STOML3: variants seen among roughly 807,000 people sequenced by gnomAD.
STOML3 encodes stomatin like 3.
A neutral mutation model predicts 29.5 loss-of-function variants in STOML3; 31 were observed. The ratio of observed to expected loss-of-function variants is 1.05; its 90% CI spans 0.79 to 1.42. STOML3 has a LOEUF of 1.42. STOML3 is among the 40% of genes most tolerant of loss of function. The pLI is 0.00. For synonymous variants in STOML3, 122 were observed against 139.8 expected, an observed-to-expected ratio of 0.87 and a Z score of 0.90; for missense variants, 380 against 363.0, an observed-to-expected ratio of 1.05 and a Z score of -0.38.
chr13:38,977,906 C>T (rs1263871475), intron 1 of STOML3, among the ~76,000 whole-genome samples: 2 of 151,420 alleles, frequency 1.3e-5, no homozygotes, highest in Non-Finnish European at 2.9e-5. Flanking sequence ...ACTACAGGCT[C>T]CCGCCACCAC....
In STOML3 at chr13:38,968,516, T is replaced by C. The variant is rs1385243925; in HGVS notation, c.535A>G (p.Thr179Ala). Reference protein sequence around the residue: ...HSIQTLLDDATELWGIRVARV... With the variant: ...HSIQTLLDDAAELWGIRVARV... Reference sequence around the variant, plus strand: ...GCCACCCGGATCCCCCACAGTTCGGTGGCATCATCAAGTAAAGTCTGTTTC... The same window carrying C: ...GCCACCCGGATCCCCCACAGTTCGGCGGCATCATCAAGTAAAGTCTGTTTC... The change falls in exon 6 of 7, where the codon ACC (threonine) becomes GCC (alanine). Residue 179 changes from threonine to alanine, a missense_variant. By Grantham distance (58) the Thr-to-Ala change is moderately conservative (BLOSUM62 0). Coordinates refer to ENST00000379631, the MANE Select transcript of STOML3 (RefSeq NM_145286.3). The C allele has an allele frequency of 1.9e-6, 3 of 1,614,166 alleles. No homozygotes were observed. In the Admixed American group the frequency reaches 5.0e-5, roughly 27 times the overall value.
intron 1 of STOML3, among the ~76,000 whole-genome samples, chr13:38,981,452 A>G (rs1023300402): frequency 2.6e-5 from 4 of 152,172 alleles, no homozygotes; most frequent in Non-Finnish European, 5.9e-5. Flanking sequence ...CCCAACTTAA[A>G]TTATATTAGA....
intron 1 of STOML3, among the ~76,000 whole-genome samples, chr13:38,988,196 A>T (rs796574243): frequency 3.4e-4 from 21 of 61,670 alleles, no homozygotes; most frequent in South Asian, 1.2e-3. Context: ...AAAATATATT[A>T]TATTTCATAT....
intron 4 of STOML3, among the ~76,000 whole-genome samples, chr13:38,971,562 C>T (rs765085792): frequency 8.5e-5 from 13 of 152,162 alleles, no homozygotes; most frequent in Non-Finnish European, 1.9e-4. Flanking sequence ...TAATTGGTAA[C>T]TCTATTCCTC....
intron 1 of STOML3, among the ~76,000 whole-genome samples, chr13:38,981,923 A>G (rs1006716414): frequency 3.3e-5 from 5 of 152,198 alleles, no homozygotes; most frequent in African/African-American, 1.2e-4. Flanking sequence ...AATACCTGAG[A>G]GCAATGACTA....
At chr13:38,968,244 A>G (rs1593496087) in intron 6 of STOML3, among the ~76,000 whole-genome samples, 156 bp downstream of exon 6, 1 of 152,178 alleles carries the variant, frequency 6.6e-6, no homozygotes, top group East Asian at 1.9e-4. Flanking sequence ...GCTGCTGGTT[A>G]CCTTTTAATT....
intron 4 of STOML3, among the ~76,000 whole-genome samples, chr13:38,971,076 A>G (rs2138007771): frequency 6.6e-6 from 1 of 151,642 alleles, no homozygotes; most frequent in Non-Finnish European, 1.5e-5. Flanking sequence ...TCCGTCACCC[A>G]GGCTGGACTG....
rs771124806 is a variant in STOML3 at position 38,976,594 on chromosome 13, G to A, written c.175C>T (p.Arg59Cys). The A allele has an allele frequency of 1.9e-5, 31 of 1,614,060 alleles. No individual in the cohort carries two copies. The highest frequency in any genetic ancestry group is 3.3e-5 in the Admixed American group (2 of 60,006). ...CGTCCCAGACGGAATACAACAGCAC[G>A]TTCATACTCCTTAATGATCTAGGAG... ...MCLKIIKEYE[R>C]AVVFRLGRIQ... Residue 59 changes from arginine to cysteine, a missense_variant, in exon 3 of 7, where the codon CGT (arginine) becomes TGT (cysteine). By Grantham distance (180) the Arg-to-Cys change is radical (BLOSUM62 -3). Coordinates refer to ENST00000379631, the MANE Select transcript of STOML3 (RefSeq NM_145286.3).
intron 4 of STOML3, 59 bp downstream of exon 4, chr13:38,972,453 C>T (rs1880906880): frequency 1.3e-6 from 2 of 1,513,074 alleles, no homozygotes; most frequent in East Asian, 2.3e-5. Flanking sequence ...TTGTAATTGT[C>T]CTTATAATAG....
At chr13:38,981,059 G>A (rs960510391) in intron 1 of STOML3, among the ~76,000 whole-genome samples, 1 of 152,202 alleles carries the variant, frequency 6.6e-6, no homozygotes, top group East Asian at 1.9e-4. Flanking sequence ...CTGAGGCCCA[G>A]AGCCACTGAC....
intron 1 of STOML3, among the ~76,000 whole-genome samples, chr13:38,987,981 ATAT>A (rs1266737297): frequency 3.0e-5 from 3 of 100,060 alleles, no homozygotes; most frequent in Non-Finnish European, 5.3e-5. Flanking sequence ...TATATGTTAT[ATAT>A]AATATATTAT....
intron 6 of STOML3, among the ~76,000 whole-genome samples, 160 bp from the exon 7 acceptor site, chr13:38,967,209 A>G (rs2138002935): frequency 6.6e-6 from 1 of 152,256 alleles, no homozygotes; most frequent in Non-Finnish European, 1.5e-5. Context: ...TTCCTAACAT[A>G]ATTAGAGAAA....
chr13:38,968,537 G>T lies in STOML3; in HGVS notation c.517-3C>A, dbSNP rs1217247753. 1 of 1,613,834 alleles carries T rather than the reference G, an allele frequency of 6.2e-7. No individual in the cohort carries two copies. Among genetic ancestry groups the T allele is most frequent in the African/African-American group, 1.3e-5 (1 of 74,906 alleles). On this transcript the variant is annotated splice_polypyrimidine_tract_variant and splice_region_variant and intron_variant, in intron 5 of 6. Transcript: ENST00000379631. ...TCGGTGGCATCATCAAGTAAAGTCT[G>T]TTTCCAAATTAAAAGGGAAGACTAA...
chr13:38,975,965 GA>G (rs763609963), intron 3 of STOML3, among the ~76,000 whole-genome samples: 99 of 152,002 alleles, frequency 6.5e-4, no homozygotes, highest in Non-Finnish European at 1.1e-3. Context: ...CTAACTGTAA[GA>G]ATAATCTTAG....
intron 1 of STOML3, among the ~76,000 whole-genome samples, chr13:38,985,911 C>CTTTTTTTTTTTTTTTTTTTTTTTT (rs1170409048): frequency 2.6e-4 from 22 of 85,614 alleles, no homozygotes; most frequent in South Asian, 5.1e-4. Flanking sequence ...TCTTTTCTTT[C>CTTTTTTTTTTTTTTTTTTTTTTTT]TTTTTTTTTT....
intron 1 of STOML3, among the ~76,000 whole-genome samples, chr13:38,988,936 A>C (rs1243045158): frequency 6.9e-6 from 1 of 144,786 alleles, no homozygotes; most frequent in Non-Finnish European, 1.5e-5. Context: ...TATATTATAC[A>C]ATATATTATA....
intron 1 of STOML3, among the ~76,000 whole-genome samples, chr13:38,983,003 G>T (rs907445268): frequency 6.6e-6 from 1 of 152,122 alleles, no homozygotes; most frequent in Non-Finnish European, 1.5e-5. Flanking sequence ...CACAGAGCCA[G>T]ACACAGGCAT....
At chr13:38,987,499 AAAAT>A (rs575886443) in intron 1 of STOML3, among the ~76,000 whole-genome samples, 13 of 151,590 alleles carry the variant, frequency 8.6e-5, no homozygotes, top group Non-Finnish European at 1.9e-4. Flanking sequence ...CTCTAAAAAT[AAAAT>A]AAATAAAGTG....
intron 1 of STOML3, among the ~76,000 whole-genome samples, chr13:38,981,382 AAGGCAAGATTGGCTACTTGTGTG>A (rs1377135149): frequency 5.9e-5 from 9 of 152,178 alleles, no homozygotes; most frequent in Admixed American, 2.0e-4. Flanking sequence ...CCCAACACTC[AAGGCAAGATTGGCTACTTGTGTG>A]AGCCAGGAAG....
Sources: gnomAD v4.1 joint callset for allele counts (sites outside exome capture counted in the v4.1 genomes callset) on GRCh38, gnomAD v4.1.1 for gene constraint, MANE v1.5 for transcripts, NCBI Gene and HGNC (gene_info 2026-07-23, HGNC 2026-07-21) for gene names.